RAP1GAP: variants seen among roughly 807,000 people sequenced by gnomAD.
The protein encoded by RAP1GAP is RAP1 GTPase activating protein, also known as rap1 GTPase-activating protein 1.
RAP1GAP carries 35 observed loss-of-function variants against 87.2 expected under a neutral mutation model. The ratio of observed to expected loss-of-function variants is 0.40; its 90% CI spans 0.31 to 0.53. RAP1GAP has a LOEUF of 0.53. RAP1GAP is among the 20% of genes least tolerant of loss of function. The probability of loss-of-function intolerance (pLI) is 0.48; values close to 1 mark genes in which losing one functional copy is unlikely to be tolerated. For synonymous variants in RAP1GAP, 375 were observed against 363.9 expected (o/e 1.03, Z -0.35); for missense variants, 734 against 898.9 (o/e 0.82, Z 2.35).
chr1:21,620,303 C>G (rs2086073158), intron 3 of RAP1GAP, among the ~76,000 whole-genome samples: 1 of 152,192 alleles, frequency 6.6e-6, no homozygotes, highest in Non-Finnish European at 1.5e-5. Flanking sequence ...CCACTCAGTC[C>G]TGCTCCCTGA....
Position 21,613,510 on chromosome 1 carries a change from G to T in RAP1GAP, c.474+118C>A. 3.1e-6 allele frequency: 3 copies of T among 980,450 alleles called. No individual in the cohort carries two copies. The highest frequency in any genetic ancestry group is 3.2e-6 in the Non-Finnish European group (2 of 619,734). The allele number at this position is 980,450 out of a possible 1,614,324, so 60.7% of individuals were successfully genotyped here. ...ACAAGTGAGAGACAGCCTCAGGATAGGGCGGCAGGCCAGGGCTAGGGCCTA... is the reference window on the plus strand; with the variant it reads ...ACAAGTGAGAGACAGCCTCAGGATATGGCGGCAGGCCAGGGCTAGGGCCTA... On this transcript the variant is annotated intron_variant, in intron 9 of 24. Coordinates refer to ENST00000374765, the MANE Select transcript of RAP1GAP (RefSeq NM_002885.4). This position sits in a 1 kb window ranked among gnomAD's most constrained non-coding sequence, Gnocchi z 4.7.
chr1:21,619,895 T>A, intron 4 of RAP1GAP, 120 bp downstream of exon 4: 3 of 1,058,280 alleles, frequency 2.8e-6, no homozygotes, highest in Non-Finnish European at 2.9e-6. Flanking sequence ...ATAGCCACCA[T>A]CTTCTACTGG....
At chr1:21,621,111 G>A (rs1185264233) in intron 3 of RAP1GAP, among the ~76,000 whole-genome samples, 3 of 152,178 alleles carry the variant, frequency 2.0e-5, no homozygotes, top group African/African-American at 7.2e-5. Context: ...TACCAGGAGA[G>A]ATACACACAC....
At position 21,634,194 on chromosome 1, in the gene RAP1GAP, A is replaced by C. The variant is rs890997526; in HGVS notation, c.-112-7797T>G. 3.3e-5 allele frequency among the ~76,000 whole-genome samples: 5 copies of C among 151,988 alleles called. No homozygotes were observed. Among genetic ancestry groups the C allele is most frequent in the Non-Finnish European group, 5.9e-5 (4 of 67,962 alleles). On this transcript the variant is annotated intron_variant, in intron 2 of 24. Coordinates refer to ENST00000374765, the MANE Select transcript of RAP1GAP (RefSeq NM_002885.4). The surrounding 1 kb of genome is among the most constrained non-coding windows in gnomAD (Gnocchi z 4.1). ...GGGCAGCCAGTTGAGCAGGTTTCCA[A>C]AGCTAGGTCTGGAGAGGCTGGCCCC...
intron 2 of RAP1GAP, among the ~76,000 whole-genome samples, chr1:21,648,555 G>A (rs2096283523): frequency 2.7e-5 from 1 of 36,904 alleles, no homozygotes; most frequent in Non-Finnish European, 7.2e-5. Context: ...AGTTACATGA[G>A]ATAACACGTC....
At position 21,609,391 on chromosome 1, in the gene RAP1GAP, GAA is replaced by G. The variant is rs34097078; in HGVS notation, c.1071+182_1071+183del. Among the ~76,000 whole-genome samples the G allele has an allele frequency of 9.7e-4, 137 of 140,858 alleles. No homozygotes were observed. Among genetic ancestry groups the G allele is most frequent in the African/African-American group, 2.6e-3 (100 of 38,330 alleles). The allele number at this position is 140,858 out of a possible 152,430, so 92.4% of individuals were successfully genotyped here. ...CGTGTAGTTTATCCTGTGACCTTGT[GAA>G]AAAAAAAAAAAAGGTGTTTTCAAGA... On this transcript the variant is annotated intron_variant, in intron 15 of 24. Coordinates refer to ENST00000374765, the MANE Select transcript of RAP1GAP (RefSeq NM_002885.4). This position sits in a 1 kb window ranked among gnomAD's most constrained non-coding sequence, Gnocchi z 4.4.
intron 3 of RAP1GAP, among the ~76,000 whole-genome samples, 161 bp downstream of exon 3, chr1:21,626,143 C>T (rs940894981): frequency 1.3e-5 from 2 of 152,194 alleles, no homozygotes; most frequent in Admixed American, 6.5e-5. Flanking sequence ...AGCCTCACCC[C>T]GGGCTCAGGA....
chr1:21,643,321 A>G (rs1311003635), intron 2 of RAP1GAP, among the ~76,000 whole-genome samples: 1 of 152,132 alleles, frequency 6.6e-6, no homozygotes, highest in East Asian at 1.9e-4. Flanking sequence ...GCACCTTGGG[A>G]GGCCGAGACG....
chr1:21,620,583 G>A (rs1305094886), intron 3 of RAP1GAP, among the ~76,000 whole-genome samples: 4 of 152,018 alleles, frequency 2.6e-5, no homozygotes, highest in Admixed American at 6.5e-5. Flanking sequence ...TCGCACACTC[G>A]AGCTACCCTC....
At position 21,615,332 on chromosome 1, in the gene RAP1GAP, G is replaced by C. The variant is rs1206028513; in HGVS notation, c.292-1243C>G. Among the ~76,000 whole-genome samples the C allele has an allele frequency of 1.1e-4, 17 of 151,934 alleles. No homozygotes were observed. Among genetic ancestry groups the C allele is most frequent in the Admixed American group, 1.1e-3 (17 of 15,270 alleles). ...CCACCTGGAGTCAGGAAGGGGCCCT[G>C]CCATTCTGCCAGCCCTGGGGCTTCT... is the stretch of plus-strand genomic sequence containing the variant. On this transcript the variant is annotated intron_variant, in intron 7 of 24. Coordinates refer to ENST00000374765, the MANE Select transcript of RAP1GAP (RefSeq NM_002885.4). The surrounding 1 kb of genome is among the most constrained non-coding windows in gnomAD (Gnocchi z 4.5).
chr1:21,612,961 A>T (rs1310189345), intron 10 of RAP1GAP: 10 of 593,150 alleles, frequency 1.7e-5, no homozygotes, highest in Non-Finnish European at 2.4e-5. Context: ...ACCGAGGCTT[A>T]AACGCAGGCC....
rs1005208560 is a variant in RAP1GAP, at chr1:21,603,364, G to C, written c.1429-451C>G. On this transcript the variant is annotated intron_variant, in intron 18 of 24. Transcript: ENST00000374765. The surrounding 1 kb of genome is among the most constrained non-coding windows in gnomAD (Gnocchi z 6.0). ...GGGGGAGGTTCTGGCCCAGCAGCTG[G>C]AAGACTCCCCCAGCTTCCCACACAC... 58 of 440,146 alleles carry C rather than the reference G, an allele frequency of 1.3e-4. No homozygotes were observed. In the Admixed American group the frequency reaches 1.9e-3, roughly 14 times the overall value. The allele number at this position is 440,146 out of a possible 1,614,324, so 27.3% of individuals were successfully genotyped here.
chr1:21,606,076 G>T lies in RAP1GAP; in HGVS notation c.1418C>A (p.Ala473Glu). 6.3e-7 allele frequency: 1 copy of T among 1,583,584 alleles called. No homozygotes were observed. Among genetic ancestry groups the T allele is most frequent in the East Asian group, 2.3e-5 (1 of 43,910 alleles). ...FAPNNPDLAK[A>E]AGISLIVPGK... ...GGGGAGGGCACTCACTATTCCAGCCGCCTTGGCCAGGTCGGGGTTGTTGGG... is the reference window on the plus strand; with the variant it reads ...GGGGAGGGCACTCACTATTCCAGCCTCCTTGGCCAGGTCGGGGTTGTTGGG... Residue 473 changes from alanine to glutamate, a missense_variant, in exon 18 of 25, where the codon GCG (alanine) becomes GAG (glutamate). By Grantham distance (107) the Ala-to-Glu change is moderately radical (BLOSUM62 -1). This residue lies in a region of RAP1GAP where 485 missense variants were observed against 646.2 expected (regional missense o/e 0.75). Coordinates refer to ENST00000374765, the MANE Select transcript of RAP1GAP (RefSeq NM_002885.4).
At position 21,609,708 on chromosome 1, in the gene RAP1GAP, C is replaced by G; in HGVS notation, c.1000-62G>C. The G allele has an allele frequency of 7.7e-7, 1 of 1,300,780 alleles. No homozygotes were observed. Among genetic ancestry groups the G allele is most frequent in the Non-Finnish European group, 1.0e-6 (1 of 957,216 alleles). 80.6% of individuals were successfully genotyped at this position (1,300,780 alleles called of 1,614,324 possible). A position where few individuals can be genotyped will look rare whatever the true frequency, so the allele number is the denominator to read the frequency against. On this transcript the variant is annotated intron_variant, in intron 14 of 24. Transcript: ENST00000374765. This position sits in a 1 kb window ranked among gnomAD's most constrained non-coding sequence, Gnocchi z 4.4. ...TGGGGTCTGCTCTGCCCCACCCAGC[C>G]AGAAACCCCTACTGTGCCTCCCTGG...
At chr1:21,616,667 A>T (rs1465122126) in intron 7 of RAP1GAP, among the ~76,000 whole-genome samples, 1 of 152,188 alleles carries the variant, frequency 6.6e-6, no homozygotes, top group Non-Finnish European at 1.5e-5. Context: ...CACTCTGACA[A>T]GTTGTTGCTG....
rs1035918525 is a variant in RAP1GAP at position 21,613,885 on chromosome 1, T to A, written c.395+101A>T. On this transcript the variant is annotated intron_variant, in intron 8 of 24. Coordinates refer to ENST00000374765, the MANE Select transcript of RAP1GAP (RefSeq NM_002885.4). The surrounding 1 kb of genome is among the most constrained non-coding windows in gnomAD (Gnocchi z 4.7). The stretch of plus-strand genomic sequence containing the variant: ...GCAACCTCAAGCAAATCCCTGCCCC[T>A]CTATGGGCCTTGATGAAGAGAGTGG... The A allele has an allele frequency of 1.6e-6, 2 of 1,218,056 alleles. No homozygotes were observed. Among genetic ancestry groups the A allele is most frequent in the African/African-American group, 3.0e-5 (2 of 66,474 alleles). 75.5% of individuals were successfully genotyped at this position (1,218,056 alleles called of 1,614,324 possible).
chr1:21,601,688 T>C lies in RAP1GAP; in HGVS notation c.1648A>G (p.Asn550Asp), dbSNP rs373857524. The change falls in exon 20 of 25, where the codon AAC (asparagine) becomes GAC (aspartate). Residue 550 changes from asparagine to aspartate, a missense_variant. Asn to Asp is a conservative substitution (Grantham distance 23). This residue lies in a region of RAP1GAP where 249 missense variants were observed against 252.7 expected (regional missense o/e 0.99). Coordinates refer to ENST00000374765, the MANE Select transcript of RAP1GAP (RefSeq NM_002885.4). Reference protein sequence around the residue: ...QSSPEMPTTKNRAETAAQRAE... With the variant: ...QSSPEMPTTKDRAETAAQRAE... The stretch of plus-strand genomic sequence containing the variant: ...CCACGTGCCCTGAGCCCCAACCTGT[T>C]CTTGGTCGTGGGCATCTCTGGGGAG... 37 of 1,603,994 alleles carry C rather than the reference T, an allele frequency of 2.3e-5. No homozygotes were observed. Among genetic ancestry groups the C allele is most frequent in the Non-Finnish European group, 3.2e-5 (37 of 1,173,610 alleles).
chr1:21,635,952 T>G (rs973326509), intron 2 of RAP1GAP, among the ~76,000 whole-genome samples: 13 of 152,176 alleles, frequency 8.5e-5, no homozygotes, highest in Non-Finnish European at 1.9e-4. Context: ...CAAGGATTGG[T>G]TGGAAGCAGA....
At chr1:21,658,007 C>T (rs1029069340) in intron 1 of RAP1GAP, among the ~76,000 whole-genome samples, 5 of 152,124 alleles carry the variant, frequency 3.3e-5, no homozygotes, top group South Asian at 2.1e-4. Context: ...TCAGAAATGA[C>T]GGGGTCGCCA....
Sources: gnomAD v4.1 joint callset for allele counts (sites outside exome capture counted in the v4.1 genomes callset) on GRCh38, gnomAD v4.1.1 for gene constraint, gnomAD v4.1.1 regional missense constraint, Gnocchi (gnomAD v3.1) non-coding constraint, MANE v1.5 for transcripts, NCBI Gene and HGNC (gene_info 2026-07-23, HGNC 2026-07-21) for gene names.